Variants in NFAT5 observed in about 807,000 individuals in gnomAD.
NFAT5 encodes the protein nuclear factor of activated T-cells 5.
In NFAT5, 31 loss-of-function variants were observed where a neutral mutation model predicts 166.5. The observed-to-expected ratio is 0.19, with a 90% CI of 0.14 to 0.25. The LOEUF (loss-of-function observed/expected upper bound fraction) is 0.25, where lower values mean the gene tolerates loss of function less well. Ranked by LOEUF, NFAT5 falls within the 10% of genes least tolerant of loss-of-function variation. The pLI, the probability that NFAT5 is intolerant of heterozygous loss-of-function variation, is 1.00. For synonymous variants in NFAT5, 612 were observed against 639.7 expected (o/e 0.96, Z 0.65); for missense variants, 1,449 against 1,821.8 (o/e 0.80, Z 3.72).
chr16:69,669,069 G>T (rs913318157), intron 7 of NFAT5, among the ~76,000 whole-genome samples: 5 of 151,946 alleles, frequency 3.3e-5, no homozygotes, highest in Admixed American at 6.6e-5. Flanking sequence ...TAATTTTTTT[G>T]ATTTTTTTGT....
intron 2 of NFAT5, among the ~76,000 whole-genome samples, chr16:69,621,487 T>C (rs2034196590): frequency 6.6e-6 from 1 of 152,222 alleles, no homozygotes; most frequent in South Asian, 2.1e-4. Flanking sequence ...AGGAAGTCTT[T>C]CCTCAGAAGC....
intron 7 of NFAT5, among the ~76,000 whole-genome samples, chr16:69,666,778 T>C (rs1360092811): frequency 6.6e-6 from 1 of 151,736 alleles, no homozygotes; most frequent in Non-Finnish European, 1.5e-5. Context: ...TCCTCAGGGA[T>C]CTAGAACTAG....
chr16:69,689,634 C>T (rs1202719003), intron 11 of NFAT5, among the ~76,000 whole-genome samples: 1 of 152,246 alleles, frequency 6.6e-6, no homozygotes, highest in East Asian at 1.9e-4. Flanking sequence ...ACCACCTCCT[C>T]CTGGATTCAA....
rs535885589 is a variant in NFAT5 at position 69,680,320 on chromosome 16, T to TA, written c.1690+2988dup. 2.8e-4 allele frequency among the ~76,000 whole-genome samples: 42 copies of TA among 152,272 alleles called. 1 individual carries two copies. In the East Asian group the frequency reaches 7.5e-3, roughly 27 times the overall value. On this transcript the variant is annotated intron_variant, in intron 10 of 14. Coordinates refer to ENST00000349945, the MANE Select transcript of NFAT5 (RefSeq NM_138713.4). ...AGGAATTTATGTCAGGAAATAGCCT[T>TA]AAAGGTTTTGCTATCCTGAAAACAC...
intron 13 of NFAT5, among the ~76,000 whole-genome samples, chr16:69,694,861 A>C (rs1374292981): frequency 1.3e-5 from 2 of 152,196 alleles, no homozygotes; most frequent in Admixed American, 6.5e-5. Context: ...ATACCAAGGA[A>C]TTTATATAGG....
intron 2 of NFAT5, among the ~76,000 whole-genome samples, chr16:69,616,251 C>T (rs913570561): frequency 2.0e-5 from 3 of 151,938 alleles, no homozygotes; most frequent in Admixed American, 1.3e-4. Flanking sequence ...ATTGTAACTC[C>T]CCGTGCTGGG....
intron 3 of NFAT5, among the ~76,000 whole-genome samples, chr16:69,630,303 A>G (rs1243919491): frequency 6.6e-6 from 1 of 151,940 alleles, no homozygotes; most frequent in African/African-American, 2.4e-5. Context: ...AAGTGCTGGG[A>G]TTACAGGTGT....
intron 10 of NFAT5, among the ~76,000 whole-genome samples, chr16:69,683,597 T>C (rs868847488): frequency 2.0e-5 from 3 of 152,222 alleles, no homozygotes; most frequent in Non-Finnish European, 4.4e-5. Context: ...AGAACGAATT[T>C]ATTTGTAATT....
At chr16:69,616,924 A>C (rs2033973812) in intron 2 of NFAT5, among the ~76,000 whole-genome samples, 1 of 146,122 alleles carries the variant, frequency 6.8e-6, no homozygotes. Flanking sequence ...CTTGGACTCC[A>C]TCTGAGTCCA....
rs762029100 is a variant in NFAT5 at position 69,694,027 on chromosome 16, C to T, written c.4202C>T (p.Ala1401Val). 1 of 1,614,184 alleles carries T rather than the reference C, an allele frequency of 6.2e-7. No homozygotes were observed. The highest frequency in any genetic ancestry group is 8.5e-7 in the Non-Finnish European group (1 of 1,180,036). ...TLFLSPASMS[A>V]LQTSINQQDM... The stretch of plus-strand genomic sequence containing the variant: ...TTCTTATCTCCAGCATCCATGTCTG[C>T]CTTGCAGACCAGTATAAATCAACAA... The change falls in exon 13 of 15, where the codon GCC becomes GTC. Residue 1401 changes from alanine (A) to valine (V), a missense_variant. Ala to Val is a moderately conservative substitution (Grantham distance 64). Coordinates refer to ENST00000349945, the MANE Select transcript of NFAT5 (RefSeq NM_138713.4).
intron 11 of NFAT5, among the ~76,000 whole-genome samples, chr16:69,687,648 C>G (rs1164123527): frequency 6.6e-6 from 1 of 151,954 alleles, no homozygotes; most frequent in Non-Finnish European, 1.5e-5. Flanking sequence ...TCTCACTTTC[C>G]AGAAAGGGGG....
At chr16:69,629,856 C>T (rs780246169) in intron 3 of NFAT5, among the ~76,000 whole-genome samples, 2 of 149,476 alleles carry the variant, frequency 1.3e-5, no homozygotes, top group Non-Finnish European at 3.0e-5. Flanking sequence ...GCAGCCTAAA[C>T]CCCCTGGGCT....
chr16:69,659,751 A>G lies in NFAT5; in HGVS notation c.1221A>G (p.Lys407=), dbSNP rs1415399913. Reference sequence around the variant, plus strand: ...GGGTGGACTGCGTAGGGATATTGAAATTGAGGAATGCTGATGTCGAAGCCA... The same window carrying G: ...GGGTGGACTGCGTAGGGATATTGAAGTTGAGGAATGCTGATGTCGAAGCCA... ...TLAVDCVGIL[K]LRNADVEARI... The change falls in exon 7 of 15, where the codon AAA becomes AAG. Residue 407 remains lysine (K), a synonymous_variant. Transcript: ENST00000349945. 6.2e-7 allele frequency: 1 copy of G among 1,613,644 alleles called. No individual in the cohort carries two copies. The highest frequency in any genetic ancestry group is 1.7e-5 in the Admixed American group (1 of 59,948).
chr16:69,642,972 C>T (rs929140787), intron 3 of NFAT5, among the ~76,000 whole-genome samples: 12 of 152,094 alleles, frequency 7.9e-5, no homozygotes, highest in African/African-American at 2.6e-4. Context: ...AATCTCAGCA[C>T]GTCAGGAGGC....
chr16:69,676,116 C>T (rs1487300844), intron 9 of NFAT5, among the ~76,000 whole-genome samples: 2 of 152,188 alleles, frequency 1.3e-5, no homozygotes, highest in African/African-American at 2.4e-5. Context: ...ATCAAACTCA[C>T]GTCACCCTCA....
chr16:69,592,007 A>C (rs111362296), intron 2 of NFAT5, among the ~76,000 whole-genome samples: 21 of 152,056 alleles, frequency 1.4e-4, no homozygotes, highest in African/African-American at 4.8e-4. Flanking sequence ...TTTCCATGAT[A>C]CTTATTGGCT....
At chr16:69,664,476 G>A (rs1299272371) in intron 7 of NFAT5, among the ~76,000 whole-genome samples, 3 of 151,826 alleles carry the variant, frequency 2.0e-5, no homozygotes, top group African/African-American at 4.8e-5. Context: ...TAGTAGAGAC[G>A]GGGTTTCACC....
chr16:69,652,618 G>A (rs750963198), intron 4 of NFAT5, among the ~76,000 whole-genome samples: 2 of 152,062 alleles, frequency 1.3e-5, no homozygotes, highest in Non-Finnish European at 2.9e-5. Context: ...AATAAAAATT[G>A]AATCGCTAAT....
chr16:69,576,854 G>A (rs2016788048), intron 2 of NFAT5, among the ~76,000 whole-genome samples: 1 of 152,184 alleles, frequency 6.6e-6, no homozygotes, highest in African/African-American at 2.4e-5. Context: ...GTAGGAGAAG[G>A]CTAAGCAGAA....
Sources: allele counts gnomAD v4.1 joint callset (sites outside exome capture counted in the v4.1 genomes callset), GRCh38; gene constraint gnomAD v4.1.1; transcripts MANE v1.5; gene names NCBI Gene and HGNC (gene_info 2026-07-23, HGNC 2026-07-21).